The following MCPH1 variants were observed in gnomAD, a reference collection of about 807,000 sequenced individuals.
MCPH1 encodes microcephalin.
A neutral mutation model predicts 84.5 loss-of-function variants in MCPH1; 104 were observed. The ratio of observed to expected loss-of-function variants is 1.23; its 90% confidence interval spans 1.05 to 1.45. MCPH1 has a LOEUF of 1.45. Ranked by LOEUF, MCPH1 falls within the 40% of genes most tolerant of loss-of-function variation. The pLI, the probability that MCPH1 is intolerant of heterozygous loss-of-function variation, is 0.00. For synonymous variants in MCPH1, 514 were observed against 366.8 expected (o/e 1.40, Z -4.58); for missense variants, 1,498 against 1,005.7 (o/e 1.49, Z -6.62).
At chr8:6,499,818 T>C (rs1474747845) in intron 11 of MCPH1, 34 bp from the exon 12 acceptor site, 1 of 1,595,084 alleles carries the variant, frequency 6.3e-7, no homozygotes, top group East Asian at 2.2e-5. Context: ...GGCTAATAAA[T>C]GTATAATAAA....
chr8:6,445,736 C>T, intron 8 of MCPH1, 189 bp downstream of exon 8: 1 of 1,389,562 alleles, frequency 7.2e-7, no homozygotes, highest in Admixed American at 3.2e-5. Flanking sequence ...TCTTGTGGAA[C>T]TTCTAGACTT....
chr8:6,460,387 T>G (rs2129557340), intron 9 of MCPH1, among the ~76,000 whole-genome samples: 1 of 152,216 alleles, frequency 6.6e-6, no homozygotes, highest in South Asian at 2.1e-4. Context: ...TTTTTTTTAA[T>G]TATTTTTTGT....
intron 12 of MCPH1, among the ~76,000 whole-genome samples, chr8:6,567,417 G>A (rs554603380): frequency 1.1e-4 from 17 of 152,316 alleles, no homozygotes; most frequent in African/African-American, 4.1e-4. Flanking sequence ...TGTGAACAGG[G>A]GAGGACTGGT....
At chr8:6,414,375 T>C (rs1585589613) in intron 2 of MCPH1, among the ~76,000 whole-genome samples, 1 of 152,232 alleles carries the variant, frequency 6.6e-6, no homozygotes, top group Admixed American at 6.5e-5. Context: ...GTTTTCTCTG[T>C]TGCCTCTGAA....
At chr8:6,424,860 G>A (rs548716932) in intron 3 of MCPH1, among the ~76,000 whole-genome samples, 24 of 152,352 alleles carry the variant, frequency 1.6e-4, no homozygotes, top group Admixed American at 1.2e-3. Context: ...AGGGACACAC[G>A]TGAAGGATAG....
intron 12 of MCPH1, among the ~76,000 whole-genome samples, chr8:6,543,492 G>A (rs188929689): frequency 4.1e-4 from 62 of 152,312 alleles, no homozygotes; most frequent in Non-Finnish European, 7.1e-4. Flanking sequence ...GGCAATGTGC[G>A]TGGGTCGTGG....
At chr8:6,638,318 AT>A (rs1797702321) in intron 13 of MCPH1, among the ~76,000 whole-genome samples, 1 of 152,142 alleles carries the variant, frequency 6.6e-6, no homozygotes, top group Admixed American at 6.5e-5. Context: ...ATGCTTACTT[AT>A]TTTGATAAGC....
intron 9 of MCPH1, among the ~76,000 whole-genome samples, chr8:6,460,471 C>G (rs1806152602): frequency 6.6e-6 from 1 of 152,130 alleles, no homozygotes; most frequent in African/African-American, 2.4e-5. Context: ...CTACCTCGTC[C>G]TCCCAGGGTA....
chr8:6,627,698 C>T (rs1477164237), intron 13 of MCPH1, among the ~76,000 whole-genome samples: 1 of 152,010 alleles, frequency 6.6e-6, no homozygotes, highest in Non-Finnish European at 1.5e-5. Flanking sequence ...CGAGTCCAGC[C>T]TGGGCAACAT....
intron 12 of MCPH1, chr8:6,616,225 A>G (rs2959798): frequency 0.42 from 64,490 of 152,032 alleles, 14,144 homozygotes; most frequent in African/African-American, 0.55. Flanking sequence ...ATCTTAAGAC[A>G]GTTAGCAGGC....
rs73518778 is a variant in MCPH1 at position 6,474,049 on chromosome 8, T to G, written c.1936-3545T>G. On this transcript the variant is annotated intron_variant, in intron 9 of 13. Coordinates refer to ENST00000344683, the MANE Select transcript of MCPH1 (RefSeq NM_024596.5). ...CATTATAACCCCTCATTTGAAGTAT[T>G]TCGTACAATATGTTGGCATCTATTC... 3,769 of 814,258 alleles carry G rather than the reference T, an allele frequency of 4.6e-3. 92 individuals carry two copies. In the African/African-American group the frequency reaches 0.056, roughly 12 times the overall value. 50.4% of individuals were successfully genotyped at this position (814,258 alleles called of 1,614,324 possible). A position where few individuals can be genotyped will look rare whatever the true frequency, so the allele number is the denominator to read the frequency against.
At chr8:6,580,919 T>C (rs1827519566) in intron 12 of MCPH1, among the ~76,000 whole-genome samples, 1 of 152,236 alleles carries the variant, frequency 6.6e-6, no homozygotes, top group Non-Finnish European at 1.5e-5. Flanking sequence ...AGGTTCTGCA[T>C]CTGTAGGTTC....
intron 13 of MCPH1, chr8:6,625,134 C>G: frequency 5.2e-6 from 5 of 959,194 alleles, no homozygotes; most frequent in Non-Finnish European, 6.2e-6. Flanking sequence ...CTCGGCCTCC[C>G]AAAGTGCTGG....
chr8:6,598,518 G>A (rs1315439624), intron 12 of MCPH1, among the ~76,000 whole-genome samples: 2 of 152,342 alleles, frequency 1.3e-5, no homozygotes, highest in East Asian at 3.9e-4. Flanking sequence ...GCTCCGCAGA[G>A]GAAGGAGTGG....
intron 12 of MCPH1, among the ~76,000 whole-genome samples, chr8:6,558,038 G>A (rs970755646): frequency 1.3e-5 from 2 of 152,002 alleles, no homozygotes; most frequent in Admixed American, 6.6e-5. Context: ...GCCCCCACAC[G>A]CACCTTTAGT....
At chr8:6,625,207 T>G in intron 13 of MCPH1, 1 of 985,442 alleles carries the variant, frequency 1.0e-6, no homozygotes, top group Non-Finnish European at 1.2e-6. Context: ...ATGCATTTAC[T>G]TCATGTATAA....
chr8:6,480,634 A>G lies in MCPH1; in HGVS notation c.1974-80A>G, dbSNP rs1463284781. 3 of 1,516,372 alleles carry G rather than the reference A, an allele frequency of 2.0e-6. No homozygotes were observed. The Admixed American group carries it at 5.0e-5, about 25-fold the overall frequency. 93.9% of individuals were successfully genotyped at this position (1,516,372 alleles called of 1,614,324 possible). On this transcript the variant is annotated intron_variant, in intron 10 of 13. Coordinates refer to ENST00000344683, the MANE Select transcript of MCPH1 (RefSeq NM_024596.5). The stretch of plus-strand genomic sequence containing the variant: ...ATTTTGGCTTTCTAGTTTTATTAGT[A>G]CTAATATTGAGTGTAACTGCTTTGA...
intron 9 of MCPH1, among the ~76,000 whole-genome samples, chr8:6,456,491 G>A (rs1390385889): frequency 6.6e-6 from 1 of 152,124 alleles, no homozygotes; most frequent in African/African-American, 2.4e-5. Context: ...AGTTTCCTTT[G>A]CATCTACTAC....
chr8:6,522,247 C>T (rs1201991840), intron 12 of MCPH1, among the ~76,000 whole-genome samples: 1 of 152,048 alleles, frequency 6.6e-6, no homozygotes, highest in African/African-American at 2.4e-5. Context: ...CACAGCTACT[C>T]TGGAGGCTGA....
Sources: allele counts gnomAD v4.1 joint callset (sites outside exome capture counted in the v4.1 genomes callset), GRCh38; gene constraint gnomAD v4.1.1; transcripts MANE v1.5; gene names NCBI Gene and HGNC (gene_info 2026-07-23, HGNC 2026-07-21).